SORCS2: variants seen among roughly 807,000 people sequenced by gnomAD.
The protein encoded by SORCS2 is sortilin related VPS10 domain containing receptor 2.
In SORCS2, 100 loss-of-function variants were observed where a neutral mutation model predicts 141.6. The ratio of observed to expected loss-of-function variants is 0.71; its 90% CI spans 0.60 to 0.83. The LOEUF (loss-of-function observed/expected upper bound fraction) is 0.83. Among genes scored for constraint, SORCS2 ranks in the 40% least tolerant of loss-of-function variants. SORCS2 has a pLI of 0.00. For missense variants in SORCS2, 1,646 were observed against 1,560.2 expected, an observed-to-expected ratio of 1.05 and a Z score of -0.93; for synonymous variants, 789 against 676.9, an observed-to-expected ratio of 1.17 and a Z score of -2.57.
intron 3 of SORCS2, among the ~76,000 whole-genome samples, chr4:7,629,897 C>A (rs138344187): frequency 1.3e-5 from 2 of 152,140 alleles, no homozygotes; most frequent in African/African-American, 2.4e-5. Flanking sequence ...TGACCCAAGC[C>A]TGAAACTTAG....
Position 7,724,483 on chromosome 4 carries a change from A to ATGGTGGTGGTGGTGATGATGG in SORCS2, c.2611+615_2611+616insTGATGGTGGTGGTGGTGGTGA, listed in dbSNP as rs1553808413. ...GGTGGTGGTGATGGTGATGGTGGTG[A>ATGGTGGTGGTGGTGATGATGG]TGGTGGTGGTGGTGACAATGGTGGT... On this transcript the variant is annotated intron_variant, in intron 19 of 26. Transcript: ENST00000507866. Among the ~76,000 whole-genome samples the ATGGTGGTGGTGGTGATGATGG allele has an allele frequency of 6.2e-4, 60 of 97,444 alleles. 1 individual carries two copies. The highest frequency in any genetic ancestry group is 9.3e-4 in the Non-Finnish European group (47 of 50,344). 63.9% of individuals were successfully genotyped at this position (97,444 alleles called of 152,430 possible). A position where few individuals can be genotyped will look rare whatever the true frequency, so the allele number is the denominator to read the frequency against.
intron 4 of SORCS2, among the ~76,000 whole-genome samples, chr4:7,650,685 C>T (rs1166589120): frequency 3.3e-5 from 5 of 151,750 alleles, no homozygotes; most frequent in South Asian, 2.1e-4. Context: ...TCCGCAGACC[C>T]GGGTCCCCGC....
chr4:7,303,264 A>T (rs1309476088), intron 1 of SORCS2, among the ~76,000 whole-genome samples: 1 of 152,228 alleles, frequency 6.6e-6, no homozygotes, highest in Non-Finnish European at 1.5e-5. Flanking sequence ...TCCTGGCTTC[A>T]TTAAGTAAAG....
intron 2 of SORCS2, among the ~76,000 whole-genome samples, chr4:7,495,648 C>T (rs7667296): frequency 0.028 from 4,250 of 152,308 alleles, 180 homozygotes; most frequent in African/African-American, 0.095. Context: ...GCTGGGAGGG[C>T]CATGGACGTC....
At chr4:7,441,109 G>A (rs1270238537) in intron 2 of SORCS2, among the ~76,000 whole-genome samples, 4 of 152,164 alleles carry the variant, frequency 2.6e-5, no homozygotes, top group Non-Finnish European at 5.9e-5. Context: ...CCCCAAGAGG[G>A]GGACTCGGCA....
intron 1 of SORCS2, among the ~76,000 whole-genome samples, chr4:7,355,292 C>T (rs1329303159): frequency 6.6e-6 from 1 of 152,108 alleles, no homozygotes; most frequent in South Asian, 2.1e-4. Context: ...TTTATGGCAT[C>T]CCACCCCGCC....
intron 2 of SORCS2, among the ~76,000 whole-genome samples, chr4:7,515,990 C>T (rs559966736): frequency 9.2e-5 from 14 of 152,160 alleles, no homozygotes; most frequent in African/African-American, 2.9e-4. Flanking sequence ...TCTCGGCTCT[C>T]GCAGCAGGGT....
At chr4:7,507,361 G>A (rs906029104) in intron 2 of SORCS2, among the ~76,000 whole-genome samples, 7 of 152,092 alleles carry the variant, frequency 4.6e-5, no homozygotes, top group African/African-American at 1.7e-4. Context: ...TTTTAGTAGA[G>A]ACAGGGTTTC....
chr4:7,380,763 C>T (rs894895449), intron 1 of SORCS2, among the ~76,000 whole-genome samples: 49 of 152,180 alleles, frequency 3.2e-4, no homozygotes, highest in African/African-American at 1.2e-3. Context: ...TATTTATGGC[C>T]GTGATGTGAA....
rs139738693 is a variant in SORCS2, at chr4:7,379,237, C to T, written c.481-17051C>T. 2.4e-3 allele frequency among the ~76,000 whole-genome samples: 367 copies of T among 152,250 alleles called. 3 individuals are homozygous for T. Among genetic ancestry groups the T allele is most frequent in the African/African-American group, 8.2e-3 (342 of 41,544 alleles). ...AATCGCACCTGTGCTGCAGTTGACT[C>T]CCCAGGGTGCAGCAGGTTCAGCAAG... is the stretch of plus-strand genomic sequence containing the variant. On this transcript the variant is annotated intron_variant, in intron 1 of 26. Transcript: ENST00000507866.
chr4:7,406,065 A>C (rs2109139989), intron 2 of SORCS2, among the ~76,000 whole-genome samples: 1 of 152,158 alleles, frequency 6.6e-6, no homozygotes. Flanking sequence ...GCATATGTTA[A>C]ACCATCATTG....
intron 18 of SORCS2, among the ~76,000 whole-genome samples, chr4:7,722,854 G>C (rs1005329446): frequency 6.6e-6 from 1 of 152,204 alleles, no homozygotes; most frequent in African/African-American, 2.4e-5. Flanking sequence ...GGTATAAACT[G>C]AGAAGATGGC....
intron 3 of SORCS2, among the ~76,000 whole-genome samples, chr4:7,594,392 T>G (rs1717121432): frequency 6.6e-6 from 1 of 152,206 alleles, no homozygotes; most frequent in Non-Finnish European, 1.5e-5. Context: ...TCCCTCTCCC[T>G]CAGCACACAC....
chr4:7,724,163 A>ATGATGGTGATAGCAGTAC (rs1726831066), intron 19 of SORCS2, among the ~76,000 whole-genome samples: 2 of 124,344 alleles, frequency 1.6e-5, no homozygotes, highest in African/African-American at 3.4e-5. Context: ...GGTGGTGGTG[A>ATGATGGTGATAGCAGTAC]TGGTGGTGAT....
chr4:7,740,542 C>T lies in SORCS2; in HGVS notation c.*278C>T, dbSNP rs1712590155. 4.0e-6 allele frequency: 2 copies of T among 504,642 alleles called. No individual in the cohort carries two copies. Among genetic ancestry groups the T allele is most frequent in the South Asian group, 2.4e-5 (1 of 42,126 alleles). The allele number at this position is 504,642 out of a possible 1,614,324, so 31.3% of individuals were successfully genotyped here. On this transcript the variant is annotated 3_prime_UTR_variant, in exon 27 of 27. Transcript: ENST00000507866. Reference sequence around the variant, plus strand: ...GCCCCCCAGACCCCACACACGGCCGCCCCACGTGCTGTCGCTCAGCCCGAG... The same window carrying T: ...GCCCCCCAGACCCCACACACGGCCGTCCCACGTGCTGTCGCTCAGCCCGAG...
intron 2 of SORCS2, among the ~76,000 whole-genome samples, chr4:7,493,165 G>A (rs1731410698): frequency 6.6e-6 from 1 of 152,244 alleles, no homozygotes; most frequent in African/African-American, 2.4e-5. Flanking sequence ...AGAGGGGAAA[G>A]AGGATGAGAA....
At position 7,321,727 on chromosome 4, in the gene SORCS2, G is replaced by T. The variant is rs548732875; in HGVS notation, c.481-74561G>T. On this transcript the variant is annotated intron_variant, in intron 1 of 26. Coordinates refer to ENST00000507866, the MANE Select transcript of SORCS2 (RefSeq NM_020777.3). ...TGGGCATGTGCTTTTGGATGGCGTG[G>T]TTGAGCCCCCTGGGGGAAGAACATT... Among the ~76,000 whole-genome samples the T allele has an allele frequency of 7.2e-5, 11 of 152,366 alleles. No individual in the cohort carries two copies. In the East Asian group the frequency reaches 2.1e-3, roughly 29 times the overall value.
At chr4:7,260,435 T>C (rs1297721605) in intron 1 of SORCS2, among the ~76,000 whole-genome samples, 2 of 152,172 alleles carry the variant, frequency 1.3e-5, no homozygotes, top group African/African-American at 4.8e-5. Flanking sequence ...GATCCATCAA[T>C]GGATTGACTG....
intron 1 of SORCS2, among the ~76,000 whole-genome samples, chr4:7,197,629 A>T (rs1727247888): frequency 6.6e-6 from 1 of 152,214 alleles, no homozygotes; most frequent in African/African-American, 2.4e-5. Context: ...TCTGGGGGGT[A>T]GGAATTTTGA....
Sources: allele counts gnomAD v4.1 joint callset (sites outside exome capture counted in the v4.1 genomes callset), GRCh38; gene constraint gnomAD v4.1.1; transcripts MANE v1.5; gene names NCBI Gene and HGNC (gene_info 2026-07-23, HGNC 2026-07-21).